Variants in DGKG observed in about 807,000 individuals in gnomAD.
The protein encoded by DGKG is DAG kinase gamma.
In DGKG, 78 loss-of-function variants were observed where a neutral mutation model predicts 105.3. The ratio of observed to expected loss-of-function variants is 0.74; its 90% CI spans 0.62 to 0.89. DGKG has a LOEUF of 0.89. Ranked by LOEUF, DGKG falls within the 40% of genes least tolerant of loss-of-function variation. The pLI, the probability that DGKG is intolerant of heterozygous loss-of-function variation, is 0.00. For missense variants in DGKG, 958 were observed against 1,020.1 expected (o/e 0.94, Z 0.83); for synonymous variants, 346 against 367.1 (o/e 0.94, Z 0.66).
At chr3:186,342,322 A>T (rs916180360) in intron 1 of DGKG, among the ~76,000 whole-genome samples, 3 of 152,164 alleles carry the variant, frequency 2.0e-5, no homozygotes, top group African/African-American at 2.4e-5. Context: ...CATTATGAGC[A>T]TTTTCTACAG....
At chr3:186,204,775 C>T (rs1315969358) in intron 21 of DGKG, among the ~76,000 whole-genome samples, 4 of 152,036 alleles carry the variant, frequency 2.6e-5, no homozygotes, top group Admixed American at 6.6e-5. Flanking sequence ...CTCTCTAGAT[C>T]GATGTTGAGA....
rs1446531456 is a variant in DGKG at position 186,299,841 on chromosome 3, T to TTTCTCTC, written c.145-1613_145-1612insGAGAGAA. Among the ~76,000 whole-genome samples, 101 of 74,652 alleles carry TTTCTCTC rather than the reference T, an allele frequency of 1.4e-3. 3 individuals are homozygous for TTTCTCTC. The highest frequency in any genetic ancestry group is 5.8e-3 in the African/African-American group (99 of 17,080). 49.0% of individuals were successfully genotyped at this position (74,652 alleles called of 152,430 possible). On this transcript the variant is annotated intron_variant, in intron 3 of 24. Coordinates refer to ENST00000265022, the MANE Select transcript of DGKG (RefSeq NM_001346.3). The stretch of plus-strand genomic sequence containing the variant: ...TCTTTCTTTCTTTCTTTCTTTCTTT[T>TTTCTCTC]TTTTTTTTTTTGAGATAGAGCCTTG...
At chr3:186,294,166 A>C (rs1723437558) in intron 5 of DGKG, among the ~76,000 whole-genome samples, 2 of 152,228 alleles carry the variant, frequency 1.3e-5, no homozygotes, top group Admixed American at 1.3e-4. Context: ...GTCTTAAATA[A>C]GTCAGCTAAT....
intron 20 of DGKG, among the ~76,000 whole-genome samples, chr3:186,227,015 A>G (rs573082246): frequency 9.4e-4 from 143 of 152,244 alleles, no homozygotes; most frequent in Non-Finnish European, 1.6e-3. Flanking sequence ...CACTCCTACA[A>G]TCTTCATAAT....
In DGKG at chr3:186,251,753, A is replaced by T. The variant is rs1352105257; in HGVS notation, c.1761+6T>A. Reference sequence around the variant, plus strand: ...CATACAGAAAGGTGATCTTTGACCAACTCACCACACCAATGGAGAAATAGT... The same window carrying T: ...CATACAGAAAGGTGATCTTTGACCATCTCACCACACCAATGGAGAAATAGT... On this transcript the variant is annotated splice_donor_region_variant and intron_variant, in intron 19 of 24. Coordinates refer to ENST00000265022, the MANE Select transcript of DGKG (RefSeq NM_001346.3). The T allele has an allele frequency of 6.2e-7, 1 of 1,613,972 alleles. No individual in the cohort carries two copies. The highest frequency in any genetic ancestry group is 1.3e-5 in the African/African-American group (1 of 75,024).
Position 186,243,895 on chromosome 3 carries a change from G to GTTTTTTTTTTT in DGKG, c.1762-1338_1762-1328dup, listed in dbSNP as rs34134152. Among the ~76,000 whole-genome samples the GTTTTTTTTTTT allele has an allele frequency of 1.1e-3, 133 of 116,286 alleles. 6 individuals carry two copies. The highest frequency in any genetic ancestry group is 4.7e-3 in the African/African-American group (128 of 27,526). The allele number at this position is 116,286 out of a possible 152,430, so 76.3% of individuals were successfully genotyped here. A position where few individuals can be genotyped will look rare whatever the true frequency, so the allele number is the denominator to read the frequency against. ...CTATTTCTTATATGAAAATTTCTGT[G>GTTTTTTTTTTT]TTTTTTTTTTTTTTTTTTGAGATGG... On this transcript the variant is annotated intron_variant, in intron 19 of 24. Transcript: ENST00000265022.
intron 5 of DGKG, among the ~76,000 whole-genome samples, chr3:186,296,938 T>C (rs1723592973): frequency 6.6e-6 from 1 of 152,204 alleles, no homozygotes. Flanking sequence ...TGTATATATG[T>C]TGTTGGAAGT....
At chr3:186,209,933 C>T (rs1368477910) in intron 21 of DGKG, among the ~76,000 whole-genome samples, 7 of 152,174 alleles carry the variant, frequency 4.6e-5, no homozygotes, top group South Asian at 2.1e-4. Context: ...TAAAAAGACT[C>T]ATTATGGAGA....
intron 1 of DGKG, among the ~76,000 whole-genome samples, chr3:186,324,104 C>CAA (rs561960985): frequency 0.076 from 4,438 of 58,258 alleles, 509 homozygotes; most frequent in African/African-American, 0.26. Flanking sequence ...GAGAGTCTGT[C>CAA]AAAAAAAAAA....
intron 24 of DGKG, 124 bp from the exon 25 acceptor site, chr3:186,150,312 T>G: frequency 7.7e-7 from 1 of 1,295,804 alleles, no homozygotes; most frequent in Non-Finnish European, 1.0e-6. Flanking sequence ...GAAGGACAAC[T>G]GTCCTTGAAC....
chr3:186,279,935 C>T lies in DGKG; in HGVS notation c.708G>A (p.Arg236=), dbSNP rs1470309463. Residue 236 remains arginine (R), a synonymous_variant, in exon 9 of 25, where the codon CGG becomes CGA. Transcript: ENST00000265022. ...KEMLQGMDYD[R]DGFVSLQEWV... ...ATTCCTGTAGAGACACAAAGCCGTC[C>T]CGGTCGTAGTCCATCCCTTGCAGCA... The T allele has an allele frequency of 8.7e-6, 14 of 1,614,154 alleles. No individual in the cohort carries two copies. Among genetic ancestry groups the T allele is most frequent in the Non-Finnish European group, 1.2e-5 (14 of 1,180,012 alleles).
chr3:186,355,626 C>T (rs2051684954), intron 1 of DGKG, among the ~76,000 whole-genome samples: 1 of 151,780 alleles, frequency 6.6e-6, no homozygotes, highest in Admixed American at 6.6e-5. Context: ...ACCCCTACTA[C>T]TGCCACCACT....
At chr3:186,211,071 G>C (rs553559299) in intron 21 of DGKG, among the ~76,000 whole-genome samples, 19 of 152,194 alleles carry the variant, frequency 1.2e-4, no homozygotes, top group Non-Finnish European at 2.4e-4. Context: ...CCAGCAGGCA[G>C]ACTGTCTGAG....
At chr3:186,254,922 G>T (rs1861877) in intron 17 of DGKG, among the ~76,000 whole-genome samples, 3 of 152,076 alleles carry the variant, frequency 2.0e-5, no homozygotes, top group Non-Finnish European at 4.4e-5. Context: ...TTTCTCCCTA[G>T]CCTCATCCTT....
intron 1 of DGKG, among the ~76,000 whole-genome samples, chr3:186,333,123 A>T (rs1403717761): frequency 6.6e-6 from 1 of 152,194 alleles, no homozygotes; most frequent in Non-Finnish European, 1.5e-5. Flanking sequence ...CAGAAAATGG[A>T]CTAAGTGTTT....
intron 19 of DGKG, among the ~76,000 whole-genome samples, chr3:186,247,972 CCTT>C (rs1288992089): frequency 1.3e-5 from 2 of 152,102 alleles, no homozygotes; most frequent in Non-Finnish European, 2.9e-5. Flanking sequence ...TTCCTTCCTT[CCTT>C]CTTTCCTTCC....
intron 7 of DGKG, among the ~76,000 whole-genome samples, chr3:186,283,865 G>A (rs1456621581): frequency 6.6e-6 from 1 of 152,164 alleles, no homozygotes; most frequent in Admixed American, 6.5e-5. Context: ...TTTGTCTAGT[G>A]GACTTCTTCC....
rs958199039 is a variant in DGKG at position 186,147,385 on chromosome 3, G to A, written c.*2705C>T. ...GCCTTGTTCTCCTCATTGAGATCGA[G>A]ATAATAATACCTTCTCTGCTAACCT... On this transcript the variant is annotated 3_prime_UTR_variant, in exon 25 of 25. Transcript: ENST00000265022. The A allele has an allele frequency of 2.1e-5, 21 of 979,354 alleles. No individual in the cohort carries two copies. In the African/African-American group the frequency reaches 3.5e-4, roughly 16 times the overall value. 60.7% of individuals were successfully genotyped at this position (979,354 alleles called of 1,614,324 possible).
chr3:186,208,352 C>A (rs972020040), intron 21 of DGKG, among the ~76,000 whole-genome samples: 2 of 151,352 alleles, frequency 1.3e-5, no homozygotes, highest in African/African-American at 4.9e-5. Flanking sequence ...ACGCGAATGG[C>A]TTTTAATGGA....
Sources: allele counts gnomAD v4.1 joint callset (sites outside exome capture counted in the v4.1 genomes callset), GRCh38; gene constraint gnomAD v4.1.1; transcripts MANE v1.5; gene names NCBI Gene and HGNC (gene_info 2026-07-23, HGNC 2026-07-21).